TIAM2: variants seen among roughly 807,000 people sequenced by gnomAD.
TIAM2 encodes rho guanine nucleotide exchange factor TIAM2.
Under a neutral mutation model 152.9 loss-of-function variants are expected in TIAM2, and 80 were observed. The ratio of observed to expected loss-of-function variants is 0.52; its 90% confidence interval spans 0.44 to 0.63. TIAM2 has a LOEUF of 0.63. Among genes scored for constraint, TIAM2 ranks in the 30% least tolerant of loss-of-function variants. The probability of loss-of-function intolerance (pLI) is 0.00; values close to 1 mark genes in which losing one functional copy is unlikely to be tolerated. For synonymous variants in TIAM2, 804 were observed against 838.0 expected (o/e 0.96, Z 0.70); for missense variants, 1,965 against 2,120.1 (o/e 0.93, Z 1.44).
chr6:155,081,057 T>C (rs1353360454), intron 1 of TIAM2, among the ~76,000 whole-genome samples: 1 of 152,214 alleles, frequency 6.6e-6, no homozygotes, highest in African/African-American at 2.4e-5. Flanking sequence ...AATATTTCTT[T>C]GTTTAGTGAA....
intron 1 of TIAM2, among the ~76,000 whole-genome samples, chr6:155,029,742 C>CTATATATATATATATATA (rs60980296): frequency 1.1e-4 from 14 of 126,584 alleles, no homozygotes; most frequent in African/African-American, 4.2e-4. Context: ...TAGTATATAA[C>CTATATATATATATATATA]TATATATATA....
At chr6:155,172,661 T>TATATATATAGATATATAG (rs1780624551) in intron 9 of TIAM2, among the ~76,000 whole-genome samples, 1 of 8,302 alleles carries the variant, frequency 1.2e-4, no homozygotes, top group African/African-American at 3.5e-4. Flanking sequence ...TATATATATA[T>TATATATATAGATATATAG]ATATATATAT....
At chr6:155,175,074 A>G (rs1449428328) in intron 9 of TIAM2, among the ~76,000 whole-genome samples, 1 of 152,236 alleles carries the variant, frequency 6.6e-6, no homozygotes, top group Non-Finnish European at 1.5e-5. Context: ...AGCCTTTAGC[A>G]GAGAGTGTCC....
chr6:155,071,633 G>A (rs1777839865), intron 1 of TIAM2, among the ~76,000 whole-genome samples: 2 of 152,236 alleles, frequency 1.3e-5, no homozygotes, highest in Non-Finnish European at 2.9e-5. Flanking sequence ...GGCCGGGCGC[G>A]GTGGCTCACG....
intron 15 of TIAM2, among the ~76,000 whole-genome samples, chr6:155,235,382 C>T (rs56246722): frequency 0.068 from 10,401 of 152,288 alleles, 511 homozygotes; most frequent in Non-Finnish European, 0.1. Context: ...GCCTGGACTG[C>T]AGCCCAGGCC....
intron 1 of TIAM2, among the ~76,000 whole-genome samples, chr6:155,029,104 T>TATATA (rs1776724526): frequency 8.4e-6 from 1 of 119,184 alleles, no homozygotes; most frequent in East Asian, 2.6e-4. Context: ...GTATATACTA[T>TATATA]GTGTTATATA....
intron 1 of TIAM2, among the ~76,000 whole-genome samples, chr6:155,004,134 C>G (rs12215939): frequency 2.0e-5 from 3 of 152,018 alleles, no homozygotes; most frequent in African/African-American, 7.2e-5. Context: ...CCTCGGCCTC[C>G]GAAAGTACTG....
chr6:155,017,506 C>CTCT lies in TIAM2; in HGVS notation c.-209+22015_-209+22016insCTT, dbSNP rs753317441. Among the ~76,000 whole-genome samples the CTCT allele has an allele frequency of 2.3e-5, 3 of 129,028 alleles. No homozygotes were observed. The East Asian group carries it at 6.8e-4, about 29-fold the overall frequency. 84.6% of individuals were successfully genotyped at this position (129,028 alleles called of 152,430 possible). A position where few individuals can be genotyped will look rare whatever the true frequency, so the allele number is the denominator to read the frequency against. Reference sequence around the variant, plus strand: ...TACAAGATCACCTACTCCATTTTGTCTTTTTTTTTTTTTTTTGAGATGGAG... The same window carrying CTCT: ...TACAAGATCACCTACTCCATTTTGTCTCTTTTTTTTTTTTTTTTTGAGATGGAG... On this transcript the variant is annotated intron_variant, in intron 1 of 26. Transcript: ENST00000682666.
chr6:155,234,756 A>G (rs999269932), intron 15 of TIAM2, among the ~76,000 whole-genome samples: 1 of 152,188 alleles, frequency 6.6e-6, no homozygotes, highest in Non-Finnish European at 1.5e-5. Context: ...AATAGGCTCA[A>G]TAGATGTCCC....
intron 1 of TIAM2, among the ~76,000 whole-genome samples, chr6:155,001,821 G>C (rs1256885192): frequency 6.6e-6 from 1 of 152,200 alleles, no homozygotes; most frequent in African/African-American, 2.4e-5. Flanking sequence ...TTTGCATTGG[G>C]AACAGTATGT....
chr6:155,169,388 C>A (rs1780522191), intron 9 of TIAM2, among the ~76,000 whole-genome samples: 1 of 152,200 alleles, frequency 6.6e-6, no homozygotes, highest in Non-Finnish European at 1.5e-5. Flanking sequence ...AGTAGGTATT[C>A]TCTAAAGAGA....
At chr6:155,168,892 T>C in intron 9 of TIAM2, 1 of 1,535,692 alleles carries the variant, frequency 6.5e-7, no homozygotes, top group Non-Finnish European at 8.7e-7. Flanking sequence ...CTCAGCTACC[T>C]CAAAACTCCA....
intron 5 of TIAM2, 84 bp from the exon 6 acceptor site, chr6:155,144,522 A>T (rs1562330982): frequency 9.6e-6 from 13 of 1,353,330 alleles, no homozygotes; most frequent in African/African-American, 1.5e-5. Context: ...AGGTGTTTTT[A>T]AAAAAGTGTG....
intron 1 of TIAM2, among the ~76,000 whole-genome samples, chr6:155,012,003 A>G (rs1039789375): frequency 1.3e-5 from 2 of 152,188 alleles, no homozygotes; most frequent in African/African-American, 2.4e-5. Context: ...TTCTTTTAAG[A>G]CCAAATGTAG....
chr6:155,090,975 C>T (rs939198734), intron 2 of TIAM2, among the ~76,000 whole-genome samples: 3 of 152,098 alleles, frequency 2.0e-5, no homozygotes, highest in Non-Finnish European at 4.4e-5. Context: ...TCCCCAGCGG[C>T]GTTTGAAATG....
intron 2 of TIAM2, among the ~76,000 whole-genome samples, chr6:155,126,165 A>G (rs935258723): frequency 1.3e-5 from 2 of 152,244 alleles, no homozygotes; most frequent in Non-Finnish European, 2.9e-5. Context: ...AAATTCTGAC[A>G]TCTGCTACCA....
intron 2 of TIAM2, among the ~76,000 whole-genome samples, chr6:155,092,228 G>A (rs1778322896): frequency 6.8e-6 from 1 of 146,918 alleles, no homozygotes; most frequent in African/African-American, 2.5e-5. Flanking sequence ...CTCCTGAGTA[G>A]CTGGGACCAT....
intron 1 of TIAM2, among the ~76,000 whole-genome samples, chr6:155,027,329 A>ATATATATAATATATATAC (rs1776626477): frequency 6.8e-6 from 1 of 146,822 alleles, no homozygotes; most frequent in Non-Finnish European, 1.5e-5. Flanking sequence ...CCTGTATATT[A>ATATATATAATATATATAC]TATATATAAT....
chr6:155,047,688 G>GAGAGA (rs71023609), intron 1 of TIAM2, among the ~76,000 whole-genome samples: 4 of 44,714 alleles, frequency 8.9e-5, no homozygotes, highest in African/African-American at 3.3e-4. Flanking sequence ...GAGAGAGAGA[G>GAGAGA]GAGAGAGAGA....
Sources: gnomAD v4.1 joint callset for allele counts (sites outside exome capture counted in the v4.1 genomes callset) on GRCh38, gnomAD v4.1.1 for gene constraint, MANE v1.5 for transcripts, NCBI Gene and HGNC (gene_info 2026-07-23, HGNC 2026-07-21) for gene names.